PSD3: variants seen among roughly 807,000 people sequenced by gnomAD.
PSD3 encodes pleckstrin and Sec7 domain containing 3, also known as PH and SEC7 domain-containing protein 3.
In PSD3, 49 loss-of-function variants were observed where a neutral mutation model predicts 105.5. That is an observed-to-expected ratio of 0.46 (90% confidence interval 0.37 to 0.59). The LOEUF (loss-of-function observed/expected upper bound fraction) is 0.59, where lower values mean the gene tolerates loss of function less well. Ranked by LOEUF, PSD3 falls within the 20% of genes least tolerant of loss-of-function variation. The pLI is 0.00. For missense variants in PSD3, 1,561 were observed against 1,263.8 expected (o/e 1.24, Z -3.57); for synonymous variants, 557 against 457.8 (o/e 1.22, Z -2.77).
At chr8:18,840,528 G>GATA (rs1814534373) in intron 4 of PSD3, among the ~76,000 whole-genome samples, 6 of 152,226 alleles carry the variant, frequency 3.9e-5, no homozygotes, top group Non-Finnish European at 5.9e-5. Context: ...GATATTCCAG[G>GATA]TTGGTCTAAG....
intron 2 of PSD3, among the ~76,000 whole-genome samples, chr8:18,898,023 T>C (rs1450977723): frequency 6.6e-6 from 1 of 152,210 alleles, no homozygotes; most frequent in Non-Finnish European, 1.5e-5. Flanking sequence ...GAGGAAAAGT[T>C]TGCAGCTTTC....
intron 15 of PSD3, among the ~76,000 whole-genome samples, chr8:18,552,601 C>T (rs1234948729): frequency 6.6e-6 from 1 of 152,036 alleles, no homozygotes. Flanking sequence ...ATCTGTTTCC[C>T]AATATACTAG....
In PSD3 at chr8:18,927,681, G is replaced by A. The variant is rs574499631; in HGVS notation, c.130+8353C>T. Among the ~76,000 whole-genome samples, 8 of 152,290 alleles carry A rather than the reference G, an allele frequency of 5.3e-5. No homozygotes were observed. The East Asian group carries it at 1.4e-3, about 26-fold the overall frequency. ...TGCTACTTAGTTTCCCTGAACACACGTAGGAGAAAGTCCGAACCCTCCAAT... is the reference window on the plus strand; with the variant it reads ...TGCTACTTAGTTTCCCTGAACACACATAGGAGAAAGTCCGAACCCTCCAAT... On this transcript the variant is annotated intron_variant, in intron 2 of 15. Transcript: ENST00000327040.
intron 9 of PSD3, among the ~76,000 whole-genome samples, chr8:18,701,983 G>A (rs1295541826): frequency 1.3e-5 from 2 of 152,134 alleles, no homozygotes; most frequent in African/African-American, 4.8e-5. Context: ...ACATGAAAGA[G>A]CTGAAAACAA....
intron 2 of PSD3, among the ~76,000 whole-genome samples, chr8:18,933,103 T>C (rs750667167): frequency 2.6e-5 from 4 of 152,266 alleles, no homozygotes; most frequent in Non-Finnish European, 5.9e-5. Flanking sequence ...TCATTAAATG[T>C]ATTTGTTCAA....
At chr8:18,732,085 G>A (rs2129431585) in intron 9 of PSD3, among the ~76,000 whole-genome samples, 1 of 151,938 alleles carries the variant, frequency 6.6e-6, no homozygotes, top group East Asian at 1.9e-4. Context: ...GTGCCCCTCA[G>A]AGAAATGTCC....
chr8:18,821,955 TA>T (rs2129449496), intron 4 of PSD3, among the ~76,000 whole-genome samples: 2 of 151,514 alleles, frequency 1.3e-5, no homozygotes, highest in South Asian at 4.2e-4. Flanking sequence ...GACTGGCAAG[TA>T]ATCGAGTTCT....
intron 1 of PSD3, among the ~76,000 whole-genome samples, chr8:18,950,860 T>A (rs560395669): frequency 2.8e-4 from 43 of 152,268 alleles, no homozygotes; most frequent in African/African-American, 9.9e-4. Context: ...ATCCAAGAAC[T>A]GTCCTGTGTC....
intron 2 of PSD3, among the ~76,000 whole-genome samples, chr8:18,899,386 G>T (rs149672071): frequency 6.6e-6 from 1 of 152,212 alleles, no homozygotes; most frequent in African/African-American, 2.4e-5. Context: ...TCTCCAGCAA[G>T]AACTTATTGT....
intron 1 of PSD3, among the ~76,000 whole-genome samples, chr8:19,048,228 T>C (rs1248364439): frequency 1.6e-4 from 25 of 152,126 alleles, no homozygotes; most frequent in Admixed American, 1.2e-3. Context: ...CTAACCTCTT[T>C]GGCTCTTTAA....
chr8:18,988,316 A>G (rs935021628), intron 1 of PSD3, among the ~76,000 whole-genome samples: 2 of 152,324 alleles, frequency 1.3e-5, no homozygotes, highest in African/African-American at 2.4e-5. Context: ...CGAAAGCCCT[A>G]TTCCCAAACT....
chr8:18,969,274 G>A (rs78889522), intron 1 of PSD3, among the ~76,000 whole-genome samples: 15,470 of 152,144 alleles, frequency 0.1, 1,002 homozygotes, highest in Non-Finnish European at 0.13. Flanking sequence ...ACAAATATTC[G>A]TTGACAAAGT....
chr8:18,836,849 C>T (rs1276875564), intron 4 of PSD3, among the ~76,000 whole-genome samples: 1 of 152,020 alleles, frequency 6.6e-6, no homozygotes, highest in Non-Finnish European at 1.5e-5. Flanking sequence ...TCCCCTGACC[C>T]GCCCAATATT....
At chr8:18,815,897 G>T (rs191707312) in intron 4 of PSD3, among the ~76,000 whole-genome samples, 12 of 152,228 alleles carry the variant, frequency 7.9e-5, no homozygotes, top group Non-Finnish European at 5.9e-5. Flanking sequence ...TGCTCTATGC[G>T]ATATAGGGAA....
At chr8:18,767,561 C>T (rs2129443952) in intron 8 of PSD3, among the ~76,000 whole-genome samples, 1 of 152,134 alleles carries the variant, frequency 6.6e-6, no homozygotes, top group East Asian at 2.0e-4. Flanking sequence ...GCCTGCTCAA[C>T]ATGGTGAAAC....
chr8:18,784,171 G>C (rs1308864073), intron 8 of PSD3, among the ~76,000 whole-genome samples: 1 of 152,034 alleles, frequency 6.6e-6, no homozygotes, highest in East Asian at 1.9e-4. Context: ...GTATCTGTTA[G>C]ATCTAGTTGG....
intron 4 of PSD3, among the ~76,000 whole-genome samples, chr8:18,846,364 T>C (rs1284143760): frequency 6.6e-6 from 1 of 152,130 alleles, no homozygotes; most frequent in Admixed American, 6.5e-5. Flanking sequence ...CGAATGTCCT[T>C]GAGGCTTTTG....
At chr8:18,780,619 C>A (rs1376890096) in intron 8 of PSD3, among the ~76,000 whole-genome samples, 1 of 151,990 alleles carries the variant, frequency 6.6e-6, no homozygotes, top group African/African-American at 2.4e-5. Flanking sequence ...AGTGGTGCGA[C>A]CTTGGCTCAC....
In PSD3 at chr8:18,557,591, C is replaced by T. The variant is rs188395339; in HGVS notation, c.2785-1239G>A. 101 of 153,664 alleles carry T rather than the reference C, an allele frequency of 6.6e-4. 2 individuals carry two copies. The Middle Eastern group carries it at 0.023, about 35-fold the overall frequency. The allele number at this position is 153,664 out of a possible 1,614,324, so 9.5% of individuals were successfully genotyped here. A position where few individuals can be genotyped will look rare whatever the true frequency, so the allele number is the denominator to read the frequency against. The stretch of plus-strand genomic sequence containing the variant: ...CAGAGGACACGAATGGAAAAATGAA[C>T]AAGAAAGGTAGCATGAACACGTGGA... On this transcript the variant is annotated intron_variant, in intron 14 of 15. Transcript: ENST00000327040.
Sources: gnomAD v4.1 joint callset for allele counts (sites outside exome capture counted in the v4.1 genomes callset) on GRCh38, gnomAD v4.1.1 for gene constraint, MANE v1.5 for transcripts, NCBI Gene and HGNC (gene_info 2026-07-23, HGNC 2026-07-21) for gene names.